The following RPTOR variants were observed in gnomAD, a reference collection of about 807,000 sequenced individuals.
The protein encoded by RPTOR is regulatory associated protein of MTOR complex 1, also known as regulatory-associated protein of mTOR.
A neutral mutation model predicts 169.9 loss-of-function variants in RPTOR; 21 were observed. The ratio of observed to expected loss-of-function variants is 0.12; its 90% CI spans 0.09 to 0.18. The LOEUF (loss-of-function observed/expected upper bound fraction) is 0.18. RPTOR is among the 10% of genes least tolerant of loss of function. The pLI is 1.00. For missense variants in RPTOR, 1,133 were observed against 1,855.9 expected (o/e 0.61, Z 7.16); for synonymous variants, 732 against 753.2 (o/e 0.97, Z 0.46).
intron 20 of RPTOR, among the ~76,000 whole-genome samples, chr17:80,899,027 C>T (rs2143899920): frequency 6.6e-6 from 1 of 152,190 alleles, no homozygotes; most frequent in South Asian, 2.1e-4. Context: ...GCACCATGCC[C>T]TCCAGGGTAT....
chr17:80,550,943 A>G (rs1239650089), intron 1 of RPTOR, among the ~76,000 whole-genome samples: 1 of 152,140 alleles, frequency 6.6e-6, no homozygotes, highest in African/African-American at 2.4e-5. Flanking sequence ...GCTGGAGTGC[A>G]ATGGCGTGAT....
rs9891994 is a variant in RPTOR, at chr17:80,707,530, G to T, written c.349-311G>T. 0.03 allele frequency among the ~76,000 whole-genome samples: 4,622 copies of T among 152,074 alleles called. 238 individuals are homozygous for T. Among genetic ancestry groups the T allele is most frequent in the African/African-American group, 0.1 (4,329 of 41,444 alleles). ...TCCTTCCACCTCAGCTGGGACTACAGGTGTGTGCCACCACACCTGGCTAAT... is the reference window on the plus strand; with the variant it reads ...TCCTTCCACCTCAGCTGGGACTACATGTGTGTGCCACCACACCTGGCTAAT... On this transcript the variant is annotated intron_variant, in intron 3 of 33. Coordinates refer to ENST00000306801, the MANE Select transcript of RPTOR (RefSeq NM_020761.3). The surrounding 1 kb of genome is among the most constrained non-coding windows in gnomAD (Gnocchi z 5.0).
intron 1 of RPTOR, among the ~76,000 whole-genome samples, chr17:80,613,655 G>A (rs575921349): frequency 1.3e-5 from 2 of 149,840 alleles, no homozygotes; most frequent in Non-Finnish European, 2.9e-5. Context: ...TGTTGGACTC[G>A]GGCTGGGCCG....
chr17:80,910,854 T>G (rs1307407386), intron 21 of RPTOR, among the ~76,000 whole-genome samples: 1 of 151,914 alleles, frequency 6.6e-6, no homozygotes, highest in Non-Finnish European at 1.5e-5. Flanking sequence ...TTTTTTTTTT[T>G]TTTCTCTTGC....
At chr17:80,751,789 A>G (rs1050017721) in intron 5 of RPTOR, among the ~76,000 whole-genome samples, 2 of 152,212 alleles carry the variant, frequency 1.3e-5, no homozygotes, top group African/African-American at 2.4e-5. Flanking sequence ...CAGGCCCTGG[A>G]TCTGGGACGA....
At chr17:80,868,288 T>C (rs2068015271) in intron 13 of RPTOR, among the ~76,000 whole-genome samples, 2 of 152,150 alleles carry the variant, frequency 1.3e-5, no homozygotes, top group Admixed American at 1.3e-4. Flanking sequence ...GAGCAGACAC[T>C]TCACCAAAGA....
At chr17:80,857,326 C>T (rs1438721733) in intron 12 of RPTOR, among the ~76,000 whole-genome samples, 1 of 152,224 alleles carries the variant, frequency 6.6e-6, no homozygotes, top group Admixed American at 6.5e-5. Context: ...GAGTGTTGAG[C>T]AAGCTGGCCG....
At chr17:80,858,082 G>A (rs975112990) in intron 13 of RPTOR, 182 bp downstream of exon 13, 17 of 608,660 alleles carry the variant, frequency 2.8e-5, no homozygotes, top group Admixed American at 1.8e-4. Flanking sequence ...CCTCTGGGTC[G>A]TGGGGGCTGT....
chr17:80,547,751 A>AT (rs2084294680), intron 1 of RPTOR, among the ~76,000 whole-genome samples: 1 of 152,188 alleles, frequency 6.6e-6, no homozygotes, highest in African/African-American at 2.4e-5. Flanking sequence ...CTCAAATGAT[A>AT]TTGAGTGGGG....
intron 4 of RPTOR, among the ~76,000 whole-genome samples, chr17:80,725,471 T>C (rs987427212): frequency 9.9e-5 from 15 of 152,224 alleles, no homozygotes; most frequent in African/African-American, 3.4e-4. Context: ...ATGAAAACCA[T>C]TGGCCACAAG....
intron 3 of RPTOR, among the ~76,000 whole-genome samples, chr17:80,705,223 G>C (rs1470505930): frequency 6.6e-6 from 1 of 152,282 alleles, no homozygotes; most frequent in Non-Finnish European, 1.5e-5. Flanking sequence ...CAGTTGGTTA[G>C]CTCTCTCTCA....
chr17:80,753,212 G>C (rs894825411), intron 5 of RPTOR, among the ~76,000 whole-genome samples: 3 of 152,288 alleles, frequency 2.0e-5, no homozygotes, highest in Non-Finnish European at 4.4e-5. Flanking sequence ...TTGATGGGTC[G>C]CTTTAGTCAG....
intron 3 of RPTOR, among the ~76,000 whole-genome samples, chr17:80,678,265 C>T (rs2065874169): frequency 2.0e-5 from 3 of 152,040 alleles, no homozygotes; most frequent in Admixed American, 6.5e-5. Context: ...GGGTGGATGG[C>T]GAAAGGAAGA....
chr17:80,692,067 C>T (rs2065997002), intron 3 of RPTOR, among the ~76,000 whole-genome samples: 1 of 152,212 alleles, frequency 6.6e-6, no homozygotes, highest in East Asian at 1.9e-4. Flanking sequence ...GGCACTCGCC[C>T]TTCCTTCTCA....
At chr17:80,593,505 C>T (rs1043668863) in intron 1 of RPTOR, 12 of 154,884 alleles carry the variant, frequency 7.7e-5, no homozygotes, top group African/African-American at 2.6e-4. Context: ...GAAACAGTTT[C>T]CTTATCCAAC....
chr17:80,700,469 GTGGTGGTGATGA>G (rs2066077490), intron 3 of RPTOR, among the ~76,000 whole-genome samples: 1 of 147,472 alleles, frequency 6.8e-6, no homozygotes, highest in Non-Finnish European at 1.5e-5. Context: ...GGTGGTGGTG[GTGGTGGTGATGA>G]TGGTGGTGGT....
intron 2 of RPTOR, among the ~76,000 whole-genome samples, chr17:80,640,264 A>C (rs190131605): frequency 1.5e-3 from 233 of 152,284 alleles, no homozygotes; most frequent in African/African-American, 4.9e-3. Flanking sequence ...ATAAGACACA[A>C]CTACAGTTTT....
chr17:80,719,616 C>T (rs911734254), intron 4 of RPTOR, among the ~76,000 whole-genome samples: 1 of 152,190 alleles, frequency 6.6e-6, no homozygotes, highest in African/African-American at 2.4e-5. Flanking sequence ...CCACCATTCT[C>T]AGAGGAGGGC....
rs182884901 is a variant in RPTOR, at chr17:80,880,507, C to T, written c.1584+18C>T. Reference sequence around the variant, plus strand: ...ACATGCCAGTAAGGACGGGGCAGCACGCTCTCCACGGGCTTGGGACTCAGC... The same window carrying T: ...ACATGCCAGTAAGGACGGGGCAGCATGCTCTCCACGGGCTTGGGACTCAGC... On this transcript the variant is annotated intron_variant, in intron 14 of 33. Transcript: ENST00000306801. The T allele has an allele frequency of 1.3e-4, 210 of 1,612,126 alleles. No individual in the cohort carries two copies. In the Admixed American group the frequency reaches 1.5e-3, roughly 12 times the overall value.
Sources: allele counts gnomAD v4.1 joint callset (sites outside exome capture counted in the v4.1 genomes callset), GRCh38; gene constraint gnomAD v4.1.1; non-coding constraint Gnocchi (gnomAD v3.1); transcripts MANE v1.5; gene names NCBI Gene and HGNC (gene_info 2026-07-23, HGNC 2026-07-21).